TRABD2B: variants seen among roughly 807,000 people sequenced by gnomAD.
The protein encoded by TRABD2B is TraB domain containing 2B.
TRABD2B carries 14 observed loss-of-function variants against 40.1 expected under a neutral mutation model. The ratio of observed to expected loss-of-function variants is 0.35; its 90% CI spans 0.23 to 0.55. The LOEUF is 0.55. TRABD2B is among the 20% of genes least tolerant of loss of function. The pLI is 0.90. For synonymous variants in TRABD2B, 263 were observed against 277.0 expected, an observed-to-expected ratio of 0.95 and a Z score of 0.50; for missense variants, 541 against 648.6, an observed-to-expected ratio of 0.83 and a Z score of 1.80.
At chr1:47,864,534 C>T (rs1418733625) in intron 2 of TRABD2B, among the ~76,000 whole-genome samples, 1 of 152,104 alleles carries the variant, frequency 6.6e-6, no homozygotes, top group Non-Finnish European at 1.5e-5. Flanking sequence ...AGGAAAATTA[C>T]TCAGTTTTCT....
At chr1:47,925,097 A>T (rs1441171392) in intron 2 of TRABD2B, among the ~76,000 whole-genome samples, 1 of 152,120 alleles carries the variant, frequency 6.6e-6, no homozygotes, top group Non-Finnish European at 1.5e-5. Context: ...CAGTCCAGAG[A>T]TCTCACCTTC....
At chr1:47,986,638 G>C (rs1192797080) in intron 2 of TRABD2B, among the ~76,000 whole-genome samples, 1 of 152,258 alleles carries the variant, frequency 6.6e-6, no homozygotes, top group African/African-American at 2.4e-5. Flanking sequence ...GAACATTCTA[G>C]GAAGACTTCC....
At chr1:47,803,042 T>C (rs1482095406) in intron 2 of TRABD2B, among the ~76,000 whole-genome samples, 2 of 152,138 alleles carry the variant, frequency 1.3e-5, no homozygotes, top group Non-Finnish European at 2.9e-5. Flanking sequence ...TCTGCCTTTG[T>C]GCCTCTGTAA....
rs968312511 is a variant in TRABD2B, at chr1:47,761,246, C to T, written c.*4656G>A. On this transcript the variant is annotated 3_prime_UTR_variant, in exon 7 of 7. Transcript: ENST00000606738. ...TCTCCGGAAAGGAAGAGCCCAGCTC[C>T]CACTTGGAGAAAGGGTGAGGATAGC... 6.6e-6 allele frequency: 1 copy of T among 152,292 alleles called. No homozygotes were observed. The highest frequency in any genetic ancestry group is 2.4e-5 in the African/African-American group (1 of 41,470). The allele number at this position is 152,292 out of a possible 1,614,324, so 9.4% of individuals were successfully genotyped here. A position where few individuals can be genotyped will look rare whatever the true frequency, so the allele number is the denominator to read the frequency against.
intron 2 of TRABD2B, among the ~76,000 whole-genome samples, chr1:47,979,301 T>C (rs1048843525): frequency 2.6e-5 from 4 of 152,196 alleles, no homozygotes; most frequent in African/African-American, 9.7e-5. Context: ...CAAAGCCAGG[T>C]GTCAGGGAAA....
At position 47,873,923 on chromosome 1, in the gene TRABD2B, G is replaced by A. The variant is rs189029216; in HGVS notation, c.667-72304C>T. Among the ~76,000 whole-genome samples, 107 of 152,282 alleles carry A rather than the reference G, an allele frequency of 7.0e-4. 1 individual carries two copies. The highest frequency in any genetic ancestry group is 2.4e-3 in the African/African-American group (100 of 41,558). On this transcript the variant is annotated intron_variant, in intron 2 of 6. Transcript: ENST00000606738. Reference sequence around the variant, plus strand: ...GACAAAACACTGGCTTTCTGTGTAAGAACATGGGTTATGAGAGGACACAGA... The same window carrying A: ...GACAAAACACTGGCTTTCTGTGTAAAAACATGGGTTATGAGAGGACACAGA...
intron 2 of TRABD2B, among the ~76,000 whole-genome samples, chr1:47,948,994 T>G (rs1391018319): frequency 1.3e-5 from 2 of 152,182 alleles, no homozygotes; most frequent in Non-Finnish European, 2.9e-5. Flanking sequence ...AACCATATTT[T>G]ATAAATAAGA....
At chr1:47,993,919 A>G (rs1646049223) in intron 2 of TRABD2B, 115 bp downstream of exon 2, 1 of 1,102,408 alleles carries the variant, frequency 9.1e-7, no homozygotes. Context: ...CTCCTTCCAG[A>G]AAAAGGACCT....
intron 2 of TRABD2B, among the ~76,000 whole-genome samples, chr1:47,927,333 C>T (rs1300300438): frequency 6.6e-6 from 1 of 152,212 alleles, no homozygotes; most frequent in African/African-American, 2.4e-5. Context: ...GCCTATAAAT[C>T]CAACTGCAAA....
At position 47,763,325 on chromosome 1, in the gene TRABD2B, C is replaced by T. The variant is rs1644264064; in HGVS notation, c.*2577G>A. ...TCTGACCACATTGGCTCTTGCTCTC[C>T]TGTAGGTACATGTCTACTCCATCGG... On this transcript the variant is annotated 3_prime_UTR_variant, in exon 7 of 7. Transcript: ENST00000606738. The T allele has an allele frequency of 2.0e-5, 3 of 152,230 alleles. No individual in the cohort carries two copies. The highest frequency in any genetic ancestry group is 4.4e-5 in the Non-Finnish European group (3 of 68,060). The allele number at this position is 152,230 out of a possible 1,614,324, so 9.4% of individuals were successfully genotyped here.
chr1:47,946,249 A>G (rs951549588), intron 2 of TRABD2B, among the ~76,000 whole-genome samples: 1 of 152,080 alleles, frequency 6.6e-6, no homozygotes, highest in Non-Finnish European at 1.5e-5. Context: ...TTTTCTTATC[A>G]TTTAGTTTTG....
At chr1:47,948,811 A>T (rs962877616) in intron 2 of TRABD2B, among the ~76,000 whole-genome samples, 2 of 151,996 alleles carry the variant, frequency 1.3e-5, no homozygotes, top group Non-Finnish European at 2.9e-5. Context: ...TACACCCGCC[A>T]CTTCTGTGCA....
intron 2 of TRABD2B, among the ~76,000 whole-genome samples, chr1:47,880,533 G>C (rs1293205016): frequency 6.6e-6 from 1 of 152,188 alleles, no homozygotes; most frequent in Non-Finnish European, 1.5e-5. Context: ...GCGGATACCA[G>C]GTCAAAACAG....
intron 2 of TRABD2B, among the ~76,000 whole-genome samples, chr1:47,807,056 T>C (rs1180082379): frequency 6.6e-6 from 1 of 152,224 alleles, no homozygotes; most frequent in Non-Finnish European, 1.5e-5. Context: ...TAAAAATCCC[T>C]GCCCTTACAG....
intron 2 of TRABD2B, among the ~76,000 whole-genome samples, chr1:47,805,451 C>T (rs1189251193): frequency 6.6e-6 from 1 of 152,088 alleles, no homozygotes; most frequent in East Asian, 1.9e-4. Flanking sequence ...CCTGATTCTC[C>T]CTACCTCGGT....
chr1:47,805,521 GA>G (rs1019376862), intron 2 of TRABD2B, among the ~76,000 whole-genome samples: 1 of 151,994 alleles, frequency 6.6e-6, no homozygotes, highest in Admixed American at 6.5e-5. Flanking sequence ...TTATCTCACT[GA>G]ATTGTCCCTG....
intron 2 of TRABD2B, among the ~76,000 whole-genome samples, chr1:47,970,797 G>A (rs1256727233): frequency 6.6e-6 from 1 of 152,152 alleles, no homozygotes; most frequent in African/African-American, 2.4e-5. Context: ...CAGCTACATG[G>A]AAGATTCCCT....
intron 2 of TRABD2B, among the ~76,000 whole-genome samples, chr1:47,845,897 C>T (rs78142793): frequency 0.015 from 2,226 of 152,312 alleles, 23 homozygotes; most frequent in Middle Eastern, 0.041. Context: ...ATGCCTGGCA[C>T]ATAGTAAGTG....
At chr1:47,979,629 C>T (rs1645811519) in intron 2 of TRABD2B, among the ~76,000 whole-genome samples, 2 of 152,302 alleles carry the variant, frequency 1.3e-5, no homozygotes, top group South Asian at 4.2e-4. Context: ...CATCAGGAAT[C>T]GCCTGCCTTA....
Sources: gnomAD v4.1 joint callset for allele counts (sites outside exome capture counted in the v4.1 genomes callset) on GRCh38, gnomAD v4.1.1 for gene constraint, MANE v1.5 for transcripts, NCBI Gene and HGNC (gene_info 2026-07-23, HGNC 2026-07-21) for gene names.